The following WDSUB1 variants were observed in gnomAD, a reference collection of about 807,000 sequenced individuals.
The protein encoded by WDSUB1 is WD repeat, sterile alpha motif and U-box domain containing 1, also known as WD repeat, SAM and U-box domain-containing protein 1.
A neutral mutation model predicts 53.9 loss-of-function variants in WDSUB1; 49 were observed. The observed-to-expected ratio is 0.91, with a 90% confidence interval of 0.72 to 1.15. WDSUB1 has a LOEUF of 1.15. Ranked by LOEUF, WDSUB1 falls within the 50% of genes most tolerant of loss-of-function variation. The pLI is 0.00. For missense variants in WDSUB1, 514 were observed against 562.0 expected (o/e 0.91, Z 0.86); for synonymous variants, 194 against 200.6 (o/e 0.97, Z 0.28).
chr2:159,238,333 T>C (rs2060544131), intron 10 of WDSUB1, among the ~76,000 whole-genome samples: 1 of 152,118 alleles, frequency 6.6e-6, no homozygotes, highest in African/African-American at 2.4e-5. Flanking sequence ...TTTGGGACTT[T>C]AAAAGTCTTT....
intron 5 of WDSUB1, among the ~76,000 whole-genome samples, chr2:159,262,713 A>G (rs1017130401): frequency 1.1e-4 from 17 of 152,210 alleles, no homozygotes; most frequent in African/African-American, 2.4e-4. Flanking sequence ...GAAGTTTTCA[A>G]TATTTTGAGA....
At chr2:159,271,589 C>T in intron 5 of WDSUB1, 113 bp downstream of exon 5, 1 of 902,444 alleles carries the variant, frequency 1.1e-6, no homozygotes, top group Non-Finnish European at 1.7e-6. Context: ...TGTTCTATTT[C>T]TTGACCTTTG....
intron 8 of WDSUB1, among the ~76,000 whole-genome samples, chr2:159,256,650 C>A (rs1575455689): frequency 6.6e-6 from 1 of 151,028 alleles, no homozygotes; most frequent in Middle Eastern, 3.5e-3. Flanking sequence ...GGATCATTTT[C>A]TTTTTCACAT....
At chr2:159,273,423 T>C (rs764070789) in intron 4 of WDSUB1, among the ~76,000 whole-genome samples, 1 of 152,104 alleles carries the variant, frequency 6.6e-6, no homozygotes. Context: ...AAGATTTTAT[T>C]TTTATTATTT....
intron 10 of WDSUB1, among the ~76,000 whole-genome samples, chr2:159,244,720 T>C (rs757979418): frequency 6.6e-6 from 1 of 152,106 alleles, no homozygotes; most frequent in Non-Finnish European, 1.5e-5. Flanking sequence ...AAGCCAGAAG[T>C]TCAGGACCAG....
intron 10 of WDSUB1, among the ~76,000 whole-genome samples, chr2:159,243,416 C>G (rs1472965918): frequency 2.0e-5 from 3 of 146,798 alleles, no homozygotes; most frequent in Non-Finnish European, 3.0e-5. Context: ...TAGAGCTTCA[C>G]ACACACAGAT....
At chr2:159,242,370 T>A (rs2060678537) in intron 10 of WDSUB1, among the ~76,000 whole-genome samples, 1 of 146,324 alleles carries the variant, frequency 6.8e-6, no homozygotes, top group Admixed American at 6.6e-5. Context: ...AGCAACTTTT[T>A]AAAAATATGC....
chr2:159,250,615 T>C (rs1246511904), intron 9 of WDSUB1, among the ~76,000 whole-genome samples: 1 of 152,214 alleles, frequency 6.6e-6, no homozygotes, highest in Non-Finnish European at 1.5e-5. Flanking sequence ...AATGCTGTGT[T>C]TTCCAAGGGT....
At chr2:159,262,927 A>G (rs1056492258) in intron 5 of WDSUB1, among the ~76,000 whole-genome samples, 5 of 152,180 alleles carry the variant, frequency 3.3e-5, no homozygotes, top group African/African-American at 1.2e-4. Flanking sequence ...TTCAGTACAT[A>G]CATTCTGCCA....
At chr2:159,236,963 CT>C (rs1448192967) in intron 10 of WDSUB1, among the ~76,000 whole-genome samples, 4 of 152,110 alleles carry the variant, frequency 2.6e-5, no homozygotes, top group Non-Finnish European at 5.9e-5. Context: ...AATTATTTGC[CT>C]TTATACATGT....
chr2:159,264,223 A>G (rs972199767), intron 5 of WDSUB1, among the ~76,000 whole-genome samples: 4 of 152,234 alleles, frequency 2.6e-5, no homozygotes, highest in Non-Finnish European at 4.4e-5. Flanking sequence ...AGCTCTCAGA[A>G]GACATCTACT....
At chr2:159,250,088 C>CAAAAAAAAAAAA (rs374038625) in intron 9 of WDSUB1, among the ~76,000 whole-genome samples, 914 of 83,210 alleles carry the variant, frequency 0.011, 82 homozygotes, top group Middle Eastern at 0.027. Flanking sequence ...GACTCTGCCT[C>CAAAAAAAAAAAA]AAAAAAAAAA....
At chr2:159,256,174 G>A in intron 9 of WDSUB1, 22 bp downstream of exon 9, 2 of 1,572,266 alleles carry the variant, frequency 1.3e-6, no homozygotes, top group Non-Finnish European at 1.7e-6. Flanking sequence ...TTTGAAGATT[G>A]CCTATCTTTC....
In WDSUB1 at chr2:159,256,186, C is replaced by T. The variant is rs1320312713; in HGVS notation, c.1132+10G>A. On this transcript the variant is annotated intron_variant, in intron 9 of 10. Transcript: ENST00000359774. The stretch of plus-strand genomic sequence containing the variant: ...TGTTTTGAAGATTGCCTATCTTTCA[C>T]TAAGCTTACCAATTTTCAAATCATC... The T allele has an allele frequency of 6.3e-7, 1 of 1,588,028 alleles. No individual in the cohort carries two copies. The highest frequency in any genetic ancestry group is 2.3e-5 in the East Asian group (1 of 44,264).
In WDSUB1 at chr2:159,248,379, G is replaced by GA; in HGVS notation, c.1265dup (p.Ala423ArgfsTer8). The GA allele has an allele frequency of 6.2e-7, 1 of 1,611,440 alleles. No individual in the cohort carries two copies. On this transcript the variant is annotated frameshift_variant, in exon 10 of 11. Coordinates refer to ENST00000359774, the MANE Select transcript of WDSUB1 (RefSeq NM_001128212.3). LOFTEE classifies it high-confidence loss of function. ...GTATAGCATCACACATACCTGATGCGATGACCGGATCTTTCATAAGTTCTC... is the reference window on the plus strand; with the variant it reads ...GTATAGCATCACACATACCTGATGCGAATGACCGGATCTTTCATAAGTTCTC...
intron 10 of WDSUB1, among the ~76,000 whole-genome samples, chr2:159,236,708 C>A (rs6704733): frequency 0.11 from 16,888 of 152,086 alleles, 2,224 homozygotes; most frequent in African/African-American, 0.31. Context: ...CCCAGGCTGG[C>A]ATACACTGGC....
chr2:159,243,624 A>G (rs911976039), intron 10 of WDSUB1, among the ~76,000 whole-genome samples: 10 of 129,414 alleles, frequency 7.7e-5, no homozygotes, highest in Admixed American at 7.0e-4. Context: ...GTGTGGTACC[A>G]GAAAGGTTAA....
At chr2:159,281,818 A>T (rs1328339633) in intron 2 of WDSUB1, among the ~76,000 whole-genome samples, 1 of 152,186 alleles carries the variant, frequency 6.6e-6, no homozygotes, top group Admixed American at 6.5e-5. Flanking sequence ...TCTACTAAAA[A>T]TACAAAAAAC....
intron 3 of WDSUB1, among the ~76,000 whole-genome samples, chr2:159,277,741 C>CCAAA (rs2061573110): frequency 6.6e-6 from 1 of 151,630 alleles, no homozygotes; most frequent in Non-Finnish European, 1.5e-5. Flanking sequence ...ACTTTGTCTT[C>CCAAA]TAAATACAGT....
Sources: gnomAD v4.1 joint callset for allele counts (sites outside exome capture counted in the v4.1 genomes callset) on GRCh38, gnomAD v4.1.1 for gene constraint, MANE v1.5 for transcripts, NCBI Gene and HGNC (gene_info 2026-07-23, HGNC 2026-07-21) for gene names.